NLGN1: variants seen among roughly 807,000 people sequenced by gnomAD.
NLGN1 encodes the protein neuroligin 1.
Under a neutral mutation model 65.5 loss-of-function variants are expected in NLGN1, and 12 were observed. That is an observed-to-expected ratio of 0.18 (90% confidence interval 0.12 to 0.30). NLGN1 has a LOEUF of 0.30. Among genes scored for constraint, NLGN1 ranks in the 10% least tolerant of loss-of-function variants. The pLI is 1.00. For missense variants in NLGN1, 750 were observed against 1,007.1 expected (o/e 0.74, Z 3.46); for synonymous variants, 350 against 359.5 (o/e 0.97, Z 0.30).
At chr3:173,986,524 A>C (rs1719972423) in intron 4 of NLGN1, among the ~76,000 whole-genome samples, 1 of 152,172 alleles carries the variant, frequency 6.6e-6, no homozygotes, top group Non-Finnish European at 1.5e-5. Context: ...TTGGACACCA[A>C]GACAGACATG....
At chr3:173,498,766 T>C (rs1281854138) in intron 2 of NLGN1, among the ~76,000 whole-genome samples, 1 of 151,912 alleles carries the variant, frequency 6.6e-6, no homozygotes, top group African/African-American at 2.4e-5. Flanking sequence ...TGAGATGGTA[T>C]CTCATTGTGG....
At chr3:174,237,384 T>G (rs1286388224) in intron 4 of NLGN1, among the ~76,000 whole-genome samples, 1 of 152,200 alleles carries the variant, frequency 6.6e-6, no homozygotes, top group Admixed American at 6.5e-5. Context: ...TATATCACAC[T>G]AATCCTTTAA....
chr3:173,950,991 C>T (rs1324447158), intron 4 of NLGN1, among the ~76,000 whole-genome samples: 1 of 151,772 alleles, frequency 6.6e-6, no homozygotes, highest in Non-Finnish European at 1.5e-5. Context: ...CTCAGCCTCT[C>T]GAATAGGTGG....
Position 174,034,836 on chromosome 3 carries a change from T to A in NLGN1, c.646+227004T>A, listed in dbSNP as rs1462993256. On this transcript the variant is annotated intron_variant, in intron 4 of 6. Transcript: ENST00000457714. ...AAATTAGGTAGATATTAACTTGATA[T>A]CAATAATCATTTTGTGAATAGTTTA... 2.0e-5 allele frequency among the ~76,000 whole-genome samples: 3 copies of A among 152,152 alleles called. No individual in the cohort carries two copies. The East Asian group carries it at 5.8e-4, about 29-fold the overall frequency.
intron 4 of NLGN1, among the ~76,000 whole-genome samples, chr3:173,958,670 G>T (rs771187431): frequency 3.3e-5 from 5 of 152,140 alleles, no homozygotes; most frequent in African/African-American, 4.8e-5. Flanking sequence ...TGGCAGCCTG[G>T]CCCCCAAGAT....
intron 4 of NLGN1, among the ~76,000 whole-genome samples, chr3:173,990,503 G>A (rs765144849): frequency 1.8e-4 from 27 of 152,168 alleles, no homozygotes; most frequent in Non-Finnish European, 2.9e-4. Flanking sequence ...TATCACTTGC[G>A]TAACAATTCC....
chr3:174,222,380 A>G (rs1021470210), intron 4 of NLGN1, among the ~76,000 whole-genome samples: 4 of 152,176 alleles, frequency 2.6e-5, no homozygotes, highest in Non-Finnish European at 5.9e-5. Context: ...TTTACTTTAT[A>G]TAGATATTTG....
intron 2 of NLGN1, among the ~76,000 whole-genome samples, chr3:173,602,036 A>G (rs1369644593): frequency 6.6e-6 from 1 of 152,034 alleles, no homozygotes; most frequent in Non-Finnish European, 1.5e-5. Context: ...ATGGCCTTTA[A>G]ATCAGATAGC....
At chr3:173,416,623 G>T (rs1364136641) in intron 1 of NLGN1, among the ~76,000 whole-genome samples, 1 of 152,092 alleles carries the variant, frequency 6.6e-6, no homozygotes, top group Non-Finnish European at 1.5e-5. Flanking sequence ...TCTGGTAAAA[G>T]ACATGCAAAA....
chr3:173,798,882 A>G (rs1299986166), intron 3 of NLGN1, among the ~76,000 whole-genome samples: 2 of 151,966 alleles, frequency 1.3e-5, no homozygotes, highest in Admixed American at 6.6e-5. Context: ...ACATAACTGT[A>G]TTATATCTTA....
intron 3 of NLGN1, among the ~76,000 whole-genome samples, chr3:173,722,559 T>A (rs140077415): frequency 1.3e-4 from 20 of 152,060 alleles, no homozygotes; most frequent in African/African-American, 4.8e-4. Context: ...TTCTTTATCT[T>A]CATAAGTGAC....
At chr3:173,636,829 A>C (rs138627290) in intron 3 of NLGN1, among the ~76,000 whole-genome samples, 25 of 152,288 alleles carry the variant, frequency 1.6e-4, no homozygotes, top group African/African-American at 6.0e-4. Context: ...AAAATATTGT[A>C]ATAATGAATA....
chr3:173,510,097 G>T (rs1270110936), intron 2 of NLGN1, among the ~76,000 whole-genome samples: 1 of 152,144 alleles, frequency 6.6e-6, no homozygotes, highest in East Asian at 1.9e-4. Context: ...CCACTTGCAG[G>T]ATCAAAATGT....
chr3:173,830,738 G>T (rs950548143), intron 4 of NLGN1, among the ~76,000 whole-genome samples: 1 of 151,980 alleles, frequency 6.6e-6, no homozygotes, highest in African/African-American at 2.4e-5. Flanking sequence ...CATATATTAC[G>T]TACATTGCAC....
intron 4 of NLGN1, among the ~76,000 whole-genome samples, chr3:173,811,168 T>C (rs1717832565): frequency 6.6e-6 from 1 of 152,276 alleles, no homozygotes; most frequent in Admixed American, 6.5e-5. Context: ...CAGCATCTAT[T>C]ATTTGATATA....
chr3:173,463,959 A>G (rs1723834910), intron 2 of NLGN1, among the ~76,000 whole-genome samples: 1 of 151,988 alleles, frequency 6.6e-6, no homozygotes, highest in South Asian at 2.1e-4. Flanking sequence ...TCAAAATTCA[A>G]GCATATTATG....
At chr3:173,418,678 TTCTGTTTATGTAAACA>T (rs1412372392) in intron 1 of NLGN1, among the ~76,000 whole-genome samples, 1 of 152,240 alleles carries the variant, frequency 6.6e-6, no homozygotes, top group Non-Finnish European at 1.5e-5. Flanking sequence ...TGTCCATTTA[TTCTGTTTATGTAAACA>T]CAGCTATAGA....
At chr3:173,573,069 A>G (rs1744908616) in intron 2 of NLGN1, among the ~76,000 whole-genome samples, 1 of 152,196 alleles carries the variant, frequency 6.6e-6, no homozygotes, top group Non-Finnish European at 1.5e-5. Context: ...CATTTGTATT[A>G]CTTCCGAACC....
chr3:173,704,649 A>G (rs1455064318), intron 3 of NLGN1, among the ~76,000 whole-genome samples: 1 of 152,192 alleles, frequency 6.6e-6, no homozygotes, highest in Non-Finnish European at 1.5e-5. Flanking sequence ...CACTCTGCCT[A>G]CTTGCCTTCT....
Sources: allele counts gnomAD v4.1 joint callset (sites outside exome capture counted in the v4.1 genomes callset), GRCh38; gene constraint gnomAD v4.1.1; transcripts MANE v1.5; gene names NCBI Gene and HGNC (gene_info 2026-07-23, HGNC 2026-07-21).